CCDC141: variants seen among roughly 807,000 people sequenced by gnomAD.
CCDC141 encodes coiled-coil domain containing 141.
CCDC141 carries 168 observed loss-of-function variants against 181.0 expected under a neutral mutation model. That is an observed-to-expected ratio of 0.93 (90% CI 0.82 to 1.05). The LOEUF (loss-of-function observed/expected upper bound fraction) is 1.05, where lower values mean the gene tolerates loss of function less well. Ranked by LOEUF, CCDC141 falls within the 50% of genes least tolerant of loss-of-function variation. The pLI, the probability that CCDC141 is intolerant of heterozygous loss-of-function variation, is 0.00. For missense variants in CCDC141, 1,902 were observed against 1,788.5 expected, an observed-to-expected ratio of 1.06 and a Z score of -1.14; for synonymous variants, 666 against 642.3, an observed-to-expected ratio of 1.04 and a Z score of -0.56.
At chr2:179,001,143 C>T (rs2041958951) in intron 2 of CCDC141, among the ~76,000 whole-genome samples, 1 of 152,120 alleles carries the variant, frequency 6.6e-6, no homozygotes, top group Admixed American at 6.5e-5. Flanking sequence ...CACTGCCATT[C>T]CTTTAGCACC....
intron 2 of CCDC141, among the ~76,000 whole-genome samples, chr2:179,041,734 T>C (rs1357525156): frequency 6.6e-6 from 1 of 151,852 alleles, no homozygotes; most frequent in African/African-American, 2.4e-5. Context: ...GCCAAGCAAA[T>C]AGAAAACAGA....
chr2:178,845,019 G>A (rs1018539941), intron 22 of CCDC141, among the ~76,000 whole-genome samples: 10 of 151,824 alleles, frequency 6.6e-5, no homozygotes, highest in Non-Finnish European at 1.5e-4. Context: ...GCATTTTTGT[G>A]AGTATCTGTA....
chr2:178,997,176 ACTT>A (rs1412390302), intron 2 of CCDC141, among the ~76,000 whole-genome samples: 3 of 152,170 alleles, frequency 2.0e-5, no homozygotes, highest in African/African-American at 7.2e-5. Context: ...TCTCCGTGAT[ACTT>A]CTTCAGCCTT....
chr2:178,823,105 A>AGG, the CCDC141 span, among the ~76,000 whole-genome samples: 11 of 152,270 alleles, frequency 7.2e-5, no homozygotes, highest in African/African-American at 2.6e-4. Flanking sequence ...CCTTCCATAA[A>AGG]ACAAACCACT....
chr2:178,908,912 G>A (rs1439070519), intron 7 of CCDC141, among the ~76,000 whole-genome samples: 2 of 152,186 alleles, frequency 1.3e-5, no homozygotes, highest in African/African-American at 4.8e-5. Flanking sequence ...TAGGTACTTG[G>A]AAAATACTGG....
Position 178,831,294 on chromosome 2 carries a change from AACTT to A in CCDC141, c.*2875_*2878del, listed in dbSNP as rs1684239212. The A allele has an allele frequency of 6.6e-6, 1 of 152,290 alleles. No homozygotes were observed. Among genetic ancestry groups the A allele is most frequent in the Admixed American group, 6.5e-5 (1 of 15,296 alleles). The allele number at this position is 152,290 out of a possible 1,614,324, so 9.4% of individuals were successfully genotyped here. On this transcript the variant is annotated 3_prime_UTR_variant, in exon 24 of 24. Transcript: ENST00000443758. ...AAACTCAATGATTTTGCCTTATGAA[AACTT>A]AAAAACATTTTGTTTTGCAGTTCTT...
chr2:178,886,733 T>C lies in CCDC141; in HGVS notation c.1527+19A>G, dbSNP rs756729827. On this transcript the variant is annotated intron_variant, in intron 10 of 23. Transcript: ENST00000443758. Reference sequence around the variant, plus strand: ...CTTTACAAAATTATAGCCATAATAATCATTCTCATTTTATTTACCTTAGCT... The same window carrying C: ...CTTTACAAAATTATAGCCATAATAACCATTCTCATTTTATTTACCTTAGCT... 1.1e-5 allele frequency: 15 copies of C among 1,356,116 alleles called. No homozygotes were observed. The South Asian group carries it at 2.1e-4, about 19-fold the overall frequency. 84.0% of individuals were successfully genotyped at this position (1,356,116 alleles called of 1,614,324 possible).
At chr2:178,948,781 A>G (rs1033161090) in intron 5 of CCDC141, among the ~76,000 whole-genome samples, 1 of 152,126 alleles carries the variant, frequency 6.6e-6, no homozygotes, top group Non-Finnish European at 1.5e-5. Flanking sequence ...CTCTCTTGCC[A>G]TGTGTTCTCT....
In CCDC141 at chr2:178,944,609, GT is replaced by G; in HGVS notation, c.822del (p.Glu274AspfsTer4). On this transcript the variant is annotated frameshift_variant, in exon 6 of 24. Coordinates refer to ENST00000443758, the MANE Select transcript of CCDC141 (RefSeq NM_173648.4). LOFTEE classifies it high-confidence loss of function. ...TCTGAAAGTGATGAACCTAGACTTT[GT>G]TCCTGTAAATTTCTTATAGTTTTCT... ...WFQKTIRNLQ[E>X]QSLGSSLSDN... 1 of 1,532,308 alleles carries G rather than the reference GT, an allele frequency of 6.5e-7. No individual in the cohort carries two copies. The highest frequency in any genetic ancestry group is 8.8e-7 in the Non-Finnish European group (1 of 1,138,738). 94.9% of individuals were successfully genotyped at this position (1,532,308 alleles called of 1,614,324 possible).
At chr2:178,972,436 A>G (rs1297914008) in intron 4 of CCDC141, among the ~76,000 whole-genome samples, 3 of 152,206 alleles carry the variant, frequency 2.0e-5, no homozygotes, top group African/African-American at 7.2e-5. Flanking sequence ...AAGAAAATAA[A>G]TTATTACTAC....
intron 6 of CCDC141, among the ~76,000 whole-genome samples, chr2:178,921,766 T>A (rs1688699872): frequency 6.6e-6 from 1 of 152,176 alleles, no homozygotes; most frequent in East Asian, 1.9e-4. Context: ...AATCACCAAC[T>A]GGGTTCACCA....
At chr2:179,017,163 A>G (rs974135404) in intron 2 of CCDC141, among the ~76,000 whole-genome samples, 1 of 152,132 alleles carries the variant, frequency 6.6e-6, no homozygotes, top group East Asian at 1.9e-4. Flanking sequence ...AACAAAAGAA[A>G]GTGCATACTG....
At chr2:179,002,417 TG>T in intron 2 of CCDC141, 1 of 362,664 alleles carries the variant, frequency 2.8e-6, no homozygotes. Flanking sequence ...AGGATGTTCC[TG>T]GACTGACTGA....
intron 8 of CCDC141, among the ~76,000 whole-genome samples, chr2:178,894,287 T>G (rs928162556): frequency 1.3e-5 from 2 of 151,870 alleles, no homozygotes; most frequent in Admixed American, 1.3e-4. Flanking sequence ...GCAAAGCTGC[T>G]AAGGAGGAAA....
At chr2:178,899,848 G>T (rs975032890) in intron 8 of CCDC141, among the ~76,000 whole-genome samples, 1 of 152,212 alleles carries the variant, frequency 6.6e-6, no homozygotes, top group South Asian at 2.1e-4. Flanking sequence ...TCTTTCCTGT[G>T]ATGATGACTC....
chr2:178,974,544 T>G (rs1691039068), intron 4 of CCDC141, among the ~76,000 whole-genome samples: 1 of 152,192 alleles, frequency 6.6e-6, no homozygotes, highest in Non-Finnish European at 1.5e-5. Context: ...ACTGAAAATC[T>G]TTTTGTAGAG....
intron 6 of CCDC141, among the ~76,000 whole-genome samples, chr2:178,926,146 A>C (rs948186987): frequency 2.0e-5 from 3 of 152,084 alleles, no homozygotes; most frequent in Non-Finnish European, 4.4e-5. Flanking sequence ...TGGTAGGGTG[A>C]AAAAAATAAG....
the CCDC141 span, among the ~76,000 whole-genome samples, chr2:178,816,866 A>T: frequency 1.3e-5 from 2 of 152,242 alleles, no homozygotes; most frequent in African/African-American, 4.8e-5. Flanking sequence ...CCTGGGTGGT[A>T]GACCAGGCTC....
chr2:178,841,694 G>C (rs1193832285), intron 22 of CCDC141, among the ~76,000 whole-genome samples: 1 of 151,378 alleles, frequency 6.6e-6, no homozygotes, highest in Non-Finnish European at 1.5e-5. Flanking sequence ...GCCAAGACTG[G>C]AGTGCAATGG....
Sources: allele counts gnomAD v4.1 joint callset (sites outside exome capture counted in the v4.1 genomes callset), GRCh38; gene constraint gnomAD v4.1.1; transcripts MANE v1.5; gene names NCBI Gene and HGNC (gene_info 2026-07-23, HGNC 2026-07-21).